The following ZNF33A variants were observed in gnomAD, a reference collection of about 807,000 sequenced individuals.
ZNF33A encodes the protein brain my041 protein.
ZNF33A carries 9 observed loss-of-function variants against 15.9 expected under a neutral mutation model. The observed-to-expected ratio is 0.57, with a 90% CI of 0.34 to 0.99. The LOEUF (loss-of-function observed/expected upper bound fraction) is 0.99. Ranked by LOEUF, ZNF33A falls within the 50% of genes least tolerant of loss-of-function variation. The pLI, the probability that ZNF33A is intolerant of heterozygous loss-of-function variation, is 0.02. For missense variants in ZNF33A, 843 were observed against 941.6 expected (o/e 0.90, Z 1.37); for synonymous variants, 294 against 324.2 (o/e 0.91, Z 1.00).
At chr10:38,010,893 A>AGGGGAAGGC (rs1362504284) in intron 1 of ZNF33A, 110 bp downstream of exon 1, 1 of 1,365,990 alleles carries the variant, frequency 7.3e-7, no homozygotes, top group Non-Finnish European at 1.0e-6. Context: ...GGGACCTCAT[A>AGGGGAAGGC]GGGGAAGGCG....
In ZNF33A at chr10:38,054,409, C is replaced by G; in HGVS notation, c.285C>G (p.Ser95Arg). 6.3e-7 allele frequency: 1 copy of G among 1,587,154 alleles called. No homozygotes were observed. Among genetic ancestry groups the G allele is most frequent in the Non-Finnish European group, 8.5e-7 (1 of 1,169,624 alleles). The change falls in exon 5 of 5, where the codon AGC becomes AGG. Residue 95 changes from serine to arginine, a missense_variant. Coordinates refer to ENST00000432900, the MANE Select transcript of ZNF33A (RefSeq NM_006954.2). ...VWTADHLKERSQENQSKHLWE... is the reference protein window; with the variant it reads ...VWTADHLKERRQENQSKHLWE... ...CAGCTGATCACCTGAAAGAGAGGAG[C>G]CAAGAAAACCAATCTAAACATTTGT...
rs2066605010 is a variant in ZNF33A at position 38,059,224 on chromosome 10, AACAT to A, written c.*2667_*2670del. The A allele has an allele frequency of 1.3e-5, 2 of 152,236 alleles. No homozygotes were observed. The highest frequency in any genetic ancestry group is 4.1e-4 in the South Asian group (2 of 4,830). 9.4% of individuals were successfully genotyped at this position (152,236 alleles called of 1,614,324 possible). ...GGAGAACTTACTCAAGTTGGTAAAG[AACAT>A]ACTACAAAAAACCCTACAGCTAACA... is the stretch of plus-strand genomic sequence containing the variant. On this transcript the variant is annotated 3_prime_UTR_variant, in exon 5 of 5. Transcript: ENST00000432900.
At chr10:38,010,667 A>C (rs780108290), upstream of ZNF33A, 1 of 1,575,522 alleles carries the variant, frequency 6.3e-7, no homozygotes. Flanking sequence ...TCCGCCGGCT[A>C]CGTCTGCGTT....
At chr10:38,052,832 G>A (rs1398516726) in intron 4 of ZNF33A, among the ~76,000 whole-genome samples, 1 of 151,964 alleles carries the variant, frequency 6.6e-6, no homozygotes, top group Non-Finnish European at 1.5e-5. Context: ...AACTGTTGCT[G>A]AACATTTTTC....
chr10:38,012,148 C>G, intron 1 of ZNF33A, 150 bp from the exon 2 acceptor site: 1 of 612,418 alleles, frequency 1.6e-6, no homozygotes, highest in Non-Finnish European at 2.8e-6. Flanking sequence ...CCATTTCTAC[C>G]CCCTATTCCA....
In ZNF33A at chr10:38,028,117, A is replaced by G. The variant is rs575020360; in HGVS notation, c.250+10731A>G. Among the ~76,000 whole-genome samples the G allele has an allele frequency of 2.0e-5, 3 of 152,050 alleles. No individual in the cohort carries two copies. The South Asian group carries it at 6.2e-4, about 32-fold the overall frequency. ...CTCTGTTTCTACAAAAAAATAAAAT[A>G]AATAGTTGGGTGTGGTGGTATGCGC... On this transcript the variant is annotated intron_variant, in intron 4 of 4. Transcript: ENST00000432900.
chr10:38,032,038 CT>C (rs1207377067), intron 4 of ZNF33A, among the ~76,000 whole-genome samples: 1 of 152,124 alleles, frequency 6.6e-6, no homozygotes, highest in Non-Finnish European at 1.5e-5. Context: ...TCACAGCACA[CT>C]TTCTATATGA....
downstream of ZNF33A, among the ~76,000 whole-genome samples, chr10:38,063,647 G>A (rs980018661): frequency 2.6e-5 from 4 of 152,158 alleles, no homozygotes; most frequent in African/African-American, 7.2e-5. Context: ...TAGATAGATA[G>A]TGAGGTAACT....
chr10:38,024,178 A>G (rs1271153832), intron 4 of ZNF33A, among the ~76,000 whole-genome samples: 1 of 144,560 alleles, frequency 6.9e-6, no homozygotes, highest in Non-Finnish European at 1.5e-5. Context: ...AAAAAAAAAA[A>G]AAAGAAAAAA....
chr10:38,011,413 C>T (rs2064178519), intron 1 of ZNF33A, among the ~76,000 whole-genome samples: 1 of 152,042 alleles, frequency 6.6e-6, no homozygotes, highest in Admixed American at 6.5e-5. Flanking sequence ...GGTGAAACCC[C>T]GTCTCTACTA....
intron 2 of ZNF33A, among the ~76,000 whole-genome samples, chr10:38,013,158 T>G (rs1310429533): frequency 6.6e-6 from 1 of 150,616 alleles, no homozygotes; most frequent in Non-Finnish European, 1.5e-5. Flanking sequence ...CTTGCCATTC[T>G]GGAGTACAGT....
At chr10:38,039,745 C>G in intron 4 of ZNF33A, 1 of 322,830 alleles carries the variant, frequency 3.1e-6, no homozygotes, top group Non-Finnish European at 5.9e-6. Context: ...TTAATCCCTA[C>G]TTTTAGTAAT....
At chr10:38,027,969 T>G (rs115166364) in intron 4 of ZNF33A, among the ~76,000 whole-genome samples, 83 of 152,240 alleles carry the variant, frequency 5.5e-4, no homozygotes, top group African/African-American at 1.9e-3. Context: ...GGACAATGTG[T>G]AGTTTGATCA....
rs901310165 is a variant in ZNF33A at position 38,057,559 on chromosome 10, C to A, written c.*999C>A. The A allele has an allele frequency of 4.1e-6, 4 of 984,356 alleles. No homozygotes were observed. The highest frequency in any genetic ancestry group is 1.1e-4 in the East Asian group (1 of 8,820). The allele number at this position is 984,356 out of a possible 1,614,324, so 61.0% of individuals were successfully genotyped here. A position where few individuals can be genotyped will look rare whatever the true frequency, so the allele number is the denominator to read the frequency against. Reference sequence around the variant, plus strand: ...GGCCCATCCCAGATGTTTGTGATGTCCTGAAACAATTTAAAAGGAGACCCA... The same window carrying A: ...GGCCCATCCCAGATGTTTGTGATGTACTGAAACAATTTAAAAGGAGACCCA... On this transcript the variant is annotated 3_prime_UTR_variant, in exon 5 of 5. Coordinates refer to ENST00000432900, the MANE Select transcript of ZNF33A (RefSeq NM_006954.2).
downstream of ZNF33A, among the ~76,000 whole-genome samples, chr10:38,067,137 A>G (rs1453097944): frequency 6.6e-6 from 1 of 152,178 alleles, no homozygotes; most frequent in African/African-American, 2.4e-5. Flanking sequence ...AATATGATTT[A>G]ATTTTCTCCT....
chr10:38,049,128 A>G (rs1218013680), intron 4 of ZNF33A, among the ~76,000 whole-genome samples: 2 of 152,124 alleles, frequency 1.3e-5, no homozygotes, highest in Non-Finnish European at 2.9e-5. Context: ...TAACAGAACT[A>G]TCTATAAAAT....
At chr10:38,064,363 T>C (rs573911784), downstream of ZNF33A, 898 of 451,894 alleles carry the variant, frequency 2.0e-3, 2 homozygotes, top group Non-Finnish European at 2.3e-3. Context: ...GGGACTCACC[T>C]GGGGCCCAGG....
chr10:38,024,041 C>T (rs1173372652), intron 4 of ZNF33A, among the ~76,000 whole-genome samples: 1 of 151,350 alleles, frequency 6.6e-6, no homozygotes, highest in Non-Finnish European at 1.5e-5. Context: ...GCCTGTAATC[C>T]CAGCTACGTG....
At position 38,059,247 on chromosome 10, in the gene ZNF33A, G is replaced by T. The variant is rs1280159227; in HGVS notation, c.*2687G>T. ...AGAACATACTACAAAAAACCCTACA[G>T]CTAACATTATCCTTGATGTTTCCAA... On this transcript the variant is annotated 3_prime_UTR_variant, in exon 5 of 5. Coordinates refer to ENST00000432900, the MANE Select transcript of ZNF33A (RefSeq NM_006954.2). The T allele has an allele frequency of 6.6e-6, 1 of 152,066 alleles. No homozygotes were observed. The highest frequency in any genetic ancestry group is 1.5e-5 in the Non-Finnish European group (1 of 68,034). The allele number at this position is 152,066 out of a possible 1,614,324, so 9.4% of individuals were successfully genotyped here. A position where few individuals can be genotyped will look rare whatever the true frequency, so the allele number is the denominator to read the frequency against.
Sources: allele counts gnomAD v4.1 joint callset (sites outside exome capture counted in the v4.1 genomes callset), GRCh38; gene constraint gnomAD v4.1.1; transcripts MANE v1.5; gene names NCBI Gene and HGNC (gene_info 2026-07-23, HGNC 2026-07-21).